SHPK: variants seen among roughly 807,000 people sequenced by gnomAD.
SHPK encodes the protein sedoheptulokinase, also known as carbohydrate kinase-like protein.
A neutral mutation model predicts 46.3 loss-of-function variants in SHPK; 51 were observed. That is an observed-to-expected ratio of 1.10 (90% confidence interval 0.88 to 1.39). The LOEUF (loss-of-function observed/expected upper bound fraction) is 1.39, where lower values mean the gene tolerates loss of function less well. Ranked by LOEUF, SHPK falls within the 40% of genes most tolerant of loss-of-function variation. SHPK has a pLI of 0.00. For synonymous variants in SHPK, 290 were observed against 273.9 expected, an observed-to-expected ratio of 1.06 and a Z score of -0.58; for missense variants, 668 against 641.3, an observed-to-expected ratio of 1.04 and a Z score of -0.45.
chr17:3,610,375 C>G lies in SHPK; in HGVS notation c.*185G>C, dbSNP rs546712832. 5.8e-5 allele frequency: 36 copies of G among 618,300 alleles called. No individual in the cohort carries two copies. Among genetic ancestry groups the G allele is most frequent in the Non-Finnish European group, 6.9e-5 (25 of 363,424 alleles). 38.3% of individuals were successfully genotyped at this position (618,300 alleles called of 1,614,324 possible). On this transcript the variant is annotated 3_prime_UTR_variant, in exon 7 of 7. Coordinates refer to ENST00000225519, the MANE Select transcript of SHPK (RefSeq NM_013276.4). Reference sequence around the variant, plus strand: ...AGGCACTCATTTGGGATCTGGCTGACGGCTCCTGGCTGCATTATTAGAGTA... The same window carrying G: ...AGGCACTCATTTGGGATCTGGCTGAGGGCTCCTGGCTGCATTATTAGAGTA...
intron 1 of SHPK, among the ~76,000 whole-genome samples, chr17:3,631,306 C>A (rs1406082541): frequency 6.6e-6 from 1 of 150,848 alleles, no homozygotes; most frequent in Non-Finnish European, 1.5e-5. Context: ...TGCAGGATCA[C>A]CAGAGGGAGG....
intron 6 of SHPK, among the ~76,000 whole-genome samples, chr17:3,613,001 C>G (rs1048650946): frequency 6.6e-6 from 1 of 152,148 alleles, no homozygotes; most frequent in Non-Finnish European, 1.5e-5. Context: ...CCGCCCACCT[C>G]GGCCTCCCAA....
intron 5 of SHPK, chr17:3,619,361 A>G (rs908717335): frequency 1.4e-6 from 2 of 1,472,530 alleles, no homozygotes; most frequent in African/African-American, 1.4e-5. Context: ...TGTTTTATAC[A>G]TTGAACCATT....
chr17:3,621,481 T>C (rs1211361199), intron 4 of SHPK, 69 bp from the exon 5 acceptor site: 33 of 1,436,486 alleles, frequency 2.3e-5, no homozygotes, highest in Non-Finnish European at 3.0e-5. Context: ...GATCCTTCCT[T>C]CCTTCCTCCC....
intron 1 of SHPK, among the ~76,000 whole-genome samples, chr17:3,631,354 G>A (rs1037422971): frequency 6.6e-6 from 1 of 151,928 alleles, no homozygotes; most frequent in Non-Finnish European, 1.5e-5. Flanking sequence ...GTGGGGGGCA[G>A]GAAGAAGGGT....
At chr17:3,621,117 T>C in intron 5 of SHPK, 120 bp downstream of exon 5, 1 of 828,784 alleles carries the variant, frequency 1.2e-6, no homozygotes, top group Non-Finnish European at 1.8e-6. Flanking sequence ...TACAGAATAA[T>C]GATCTCCAGC....
At chr17:3,617,870 T>C (rs2075377987) in intron 5 of SHPK, among the ~76,000 whole-genome samples, 1 of 152,242 alleles carries the variant, frequency 6.6e-6, no homozygotes. Context: ...GGCTCTCAGA[T>C]TAACCAGATC....
At chr17:3,629,706 TAAC>T (rs1316871457) in intron 2 of SHPK, among the ~76,000 whole-genome samples, 1 of 137,648 alleles carries the variant, frequency 7.3e-6, no homozygotes, top group Non-Finnish European at 1.5e-5. Flanking sequence ...CCAGCCTGGG[TAAC>T]AAGAGTGAAA....
At chr17:3,630,154 G>A in intron 2 of SHPK, 51 bp downstream of exon 2, 1 of 1,610,638 alleles carries the variant, frequency 6.2e-7, no homozygotes, top group Non-Finnish European at 8.5e-7. Context: ...CACTGCTCTA[G>A]TTCTGGAAGT....
At chr17:3,628,136 A>G (rs2075449039) in intron 2 of SHPK, among the ~76,000 whole-genome samples, 1 of 152,052 alleles carries the variant, frequency 6.6e-6, no homozygotes, top group South Asian at 2.1e-4. Flanking sequence ...CCGACTCTCC[A>G]TGTAGAGAGG....
In SHPK at chr17:3,615,243, G is replaced by T. The variant is rs567162129; in HGVS notation, c.1024+94C>A. The T allele has an allele frequency of 1.2e-5, 15 of 1,253,328 alleles. No homozygotes were observed. The Admixed American group carries it at 2.6e-4, about 21-fold the overall frequency. The allele number at this position is 1,253,328 out of a possible 1,614,324, so 77.6% of individuals were successfully genotyped here. A position where few individuals can be genotyped will look rare whatever the true frequency, so the allele number is the denominator to read the frequency against. Reference sequence around the variant, plus strand: ...CAGGGTCTGAGACCTCAATGTGGACGCTGAAACCGCACATGAAGCTCCGTG... The same window carrying T: ...CAGGGTCTGAGACCTCAATGTGGACTCTGAAACCGCACATGAAGCTCCGTG... On this transcript the variant is annotated intron_variant, in intron 6 of 6. Transcript: ENST00000225519.
chr17:3,630,109 G>A, intron 2 of SHPK, 96 bp downstream of exon 2: 1 of 1,499,184 alleles, frequency 6.7e-7, no homozygotes, highest in East Asian at 2.3e-5. Context: ...TCCCACTGCA[G>A]GATAACCCGA....
chr17:3,626,182 T>C (rs999656965), intron 2 of SHPK, among the ~76,000 whole-genome samples: 4 of 152,236 alleles, frequency 2.6e-5, no homozygotes, highest in Non-Finnish European at 5.9e-5. Flanking sequence ...CTCTGTAAGC[T>C]TTTGGAATTC....
intron 6 of SHPK, 139 bp downstream of exon 6, chr17:3,615,198 A>C: frequency 1.3e-6 from 1 of 743,988 alleles, no homozygotes; most frequent in South Asian, 1.7e-5. Flanking sequence ...AAAGGATGGG[A>C]GAAATATGCC....
chr17:3,621,839 G>C (rs1368415854), intron 4 of SHPK, among the ~76,000 whole-genome samples: 1 of 150,988 alleles, frequency 6.6e-6, no homozygotes, highest in African/African-American at 2.4e-5. Context: ...TTTTAGTAGA[G>C]ACGGGGTTTC....
chr17:3,611,967 C>T (rs2075342816), intron 6 of SHPK, among the ~76,000 whole-genome samples: 3 of 151,950 alleles, frequency 2.0e-5, no homozygotes, highest in Admixed American at 2.0e-4. Context: ...CCACACCTGG[C>T]TAATTGTGGT....
In SHPK at chr17:3,625,297, T is replaced by C. The variant is rs578080481; in HGVS notation, c.311-1066A>G. Among the ~76,000 whole-genome samples the C allele has an allele frequency of 2.4e-4, 37 of 152,320 alleles. No individual in the cohort carries two copies. In the South Asian group the frequency reaches 6.8e-3, roughly 28 times the overall value. On this transcript the variant is annotated intron_variant, in intron 2 of 6. Transcript: ENST00000225519. ...GGCATCTGAATCCTCTTTCCTTGAA[T>C]ATAGAATCACCTTGGTGACGTGCTT...
chr17:3,635,193 T>TGAAGGAAGGAAGAAAGGAAGGAAGAAAG (rs746755300), intron 1 of SHPK, among the ~76,000 whole-genome samples: 1 of 60,532 alleles, frequency 1.7e-5, no homozygotes, highest in Non-Finnish European at 2.9e-5. Context: ...AAGGAAAGAA[T>TGAAGGAAGGAAGAAAGGAAGGAAGAAAG]GAAGGAAGGA....
At chr17:3,625,608 TA>T (rs1370636053) in intron 2 of SHPK, among the ~76,000 whole-genome samples, 1 of 151,920 alleles carries the variant, frequency 6.6e-6, no homozygotes, top group African/African-American at 2.4e-5. Flanking sequence ...AGTTGAACAC[TA>T]ACAAGCAACC....
Sources: gnomAD v4.1 joint callset for allele counts (sites outside exome capture counted in the v4.1 genomes callset) on GRCh38, gnomAD v4.1.1 for gene constraint, MANE v1.5 for transcripts, NCBI Gene and HGNC (gene_info 2026-07-23, HGNC 2026-07-21) for gene names.